SHOC2: variants seen among roughly 807,000 people sequenced by gnomAD.
SHOC2 encodes the protein leucine-rich repeat protein SHOC-2.
Under a neutral mutation model 50.2 loss-of-function variants are expected in SHOC2, and 4 were observed. The ratio of observed to expected loss-of-function variants is 0.08; its 90% CI spans 0.04 to 0.18. The LOEUF (loss-of-function observed/expected upper bound fraction) is 0.18. SHOC2 is among the 10% of genes least tolerant of loss of function. SHOC2 has a pLI of 1.00. For synonymous variants in SHOC2, 218 were observed against 244.5 expected (o/e 0.89, Z 1.01); for missense variants, 388 against 669.6 (o/e 0.58, Z 4.64).
intron 5 of SHOC2, 85 bp downstream of exon 5, chr10:111,004,879 G>A (rs944604209): frequency 3.2e-6 from 3 of 948,846 alleles, no homozygotes; most frequent in East Asian, 2.6e-5. Flanking sequence ...ATTGTGTGGG[G>A]AGTGGGTACT....
At chr10:110,975,094 A>G (rs529491831) in intron 2 of SHOC2, among the ~76,000 whole-genome samples, 41 of 152,184 alleles carry the variant, frequency 2.7e-4, no homozygotes, top group African/African-American at 9.9e-4. Flanking sequence ...CTAAACTACA[A>G]ATTTTAGTTA....
intron 1 of SHOC2, among the ~76,000 whole-genome samples, chr10:110,960,177 G>A (rs545987339): frequency 6.6e-6 from 1 of 152,346 alleles, no homozygotes; most frequent in East Asian, 1.9e-4. Flanking sequence ...AATCCAGTTT[G>A]AGGTCTGTTT....
rs544110583 is a variant in SHOC2 at position 110,955,864 on chromosome 10, G to A, written c.-234-8261G>A. Among the ~76,000 whole-genome samples, 5 of 152,192 alleles carry A rather than the reference G, an allele frequency of 3.3e-5. No homozygotes were observed. In the South Asian group the frequency reaches 6.2e-4, roughly 19 times the overall value. ...AACACTGAACAAAGTTCCTGTTCTCGTTGAAGAGTTAGGAGGAAGGAAGGG... is the reference window on the plus strand; with the variant it reads ...AACACTGAACAAAGTTCCTGTTCTCATTGAAGAGTTAGGAGGAAGGAAGGG... On this transcript the variant is annotated intron_variant, in intron 1 of 8. Transcript: ENST00000369452.
chr10:110,950,824 C>T (rs1281231187), intron 1 of SHOC2, among the ~76,000 whole-genome samples: 1 of 152,052 alleles, frequency 6.6e-6, no homozygotes, highest in Non-Finnish European at 1.5e-5. Flanking sequence ...GAAGCATGAG[C>T]ATAAAAATTT....
intron 4 of SHOC2, among the ~76,000 whole-genome samples, chr10:111,001,448 G>A (rs139687573): frequency 1.3e-3 from 191 of 151,994 alleles, no homozygotes; most frequent in African/African-American, 4.3e-3. Context: ...AGCCACCACA[G>A]CCAGCCAATA....
chr10:110,930,697 G>T (rs1305335755), intron 1 of SHOC2, among the ~76,000 whole-genome samples: 1 of 148,986 alleles, frequency 6.7e-6, no homozygotes, highest in Non-Finnish European at 1.5e-5. Context: ...GAGTTCCTTG[G>T]CAAGAAAGGC....
intron 2 of SHOC2, among the ~76,000 whole-genome samples, chr10:110,980,962 C>T (rs988308093): frequency 6.6e-6 from 1 of 152,146 alleles, no homozygotes; most frequent in South Asian, 2.1e-4. Flanking sequence ...TGGAAACTTG[C>T]TTTGTTTCCT....
chr10:110,924,894 A>AC (rs1355278270), intron 1 of SHOC2, among the ~76,000 whole-genome samples: 1 of 151,662 alleles, frequency 6.6e-6, no homozygotes, highest in South Asian at 2.1e-4. Flanking sequence ...ATGTAGCGAA[A>AC]CCCCGTCTCT....
rs576972618 is a variant in SHOC2 at position 111,006,134 on chromosome 10, G to C, written c.1161+1340G>C. 2.1e-4 allele frequency among the ~76,000 whole-genome samples: 32 copies of C among 152,280 alleles called. 1 individual carries two copies. In the South Asian group the frequency reaches 6.4e-3, roughly 31 times the overall value. ...CAGGTGTTCATTAGTTTATGCATTT[G>C]CATGTAAGTAACAGTAGTAAATTTT... On this transcript the variant is annotated intron_variant, in intron 5 of 8. Transcript: ENST00000369452.
intron 1 of SHOC2, among the ~76,000 whole-genome samples, chr10:110,927,648 A>G (rs1234817824): frequency 6.6e-6 from 1 of 152,052 alleles, no homozygotes; most frequent in Non-Finnish European, 1.5e-5. Context: ...AATTTTCCCC[A>G]CCTCCTGTTA....
chr10:110,997,872 T>A (rs1848297340), intron 3 of SHOC2, among the ~76,000 whole-genome samples: 2 of 152,212 alleles, frequency 1.3e-5, no homozygotes, highest in Admixed American at 1.3e-4. Flanking sequence ...AAATAATTAT[T>A]CTTCTGTTAT....
At position 110,949,664 on chromosome 10, in the gene SHOC2, G is replaced by A. The variant is rs190958841; in HGVS notation, c.-234-14461G>A. Among the ~76,000 whole-genome samples the A allele has an allele frequency of 3.2e-3, 488 of 152,152 alleles. 26 individuals are homozygous for A. In the South Asian group the frequency reaches 0.093, roughly 29 times the overall value. On this transcript the variant is annotated intron_variant, in intron 1 of 8. Transcript: ENST00000369452. ...ATACAGGTCAGTATCTCTGATTAAC[G>A]TAGACGCAGAAATCCTCAACAAAAT...
chr10:110,997,570 C>T (rs866639869), intron 3 of SHOC2, among the ~76,000 whole-genome samples: 3 of 152,184 alleles, frequency 2.0e-5, no homozygotes, highest in East Asian at 1.9e-4. Context: ...AAGTCTTTCA[C>T]ATCTTAAAAC....
At position 111,009,310 on chromosome 10, in the gene SHOC2, G is replaced by A. The variant is rs1457082378; in HGVS notation, c.1347G>A (p.Lys449=). The A allele has an allele frequency of 6.2e-7, 1 of 1,601,742 alleles. No individual in the cohort carries two copies. The highest frequency in any genetic ancestry group is 8.6e-7 in the Non-Finnish European group (1 of 1,169,218). Residue 449 remains lysine (K), a synonymous_variant, in exon 7 of 9, where the codon AAG becomes AAA. Transcript: ENST00000369452. ...KLPHGLGNLR[K]LRELDLEENK... is the part of the protein sequence containing the mutation. ...CCCATGGTCTTGGAAACCTTAGGAA[G>A]TTAAGAGAGTTGGATCTAGAAGAGA...
intron 2 of SHOC2, among the ~76,000 whole-genome samples, chr10:110,981,586 A>G (rs887585615): frequency 6.6e-6 from 1 of 152,196 alleles, no homozygotes; most frequent in African/African-American, 2.4e-5. Context: ...GTAAGTTTTT[A>G]TAGAAGATTT....
At chr10:110,982,451 A>G (rs1356849605) in intron 2 of SHOC2, among the ~76,000 whole-genome samples, 1 of 152,018 alleles carries the variant, frequency 6.6e-6, no homozygotes, top group Non-Finnish European at 1.5e-5. Flanking sequence ...ACAATGGTTG[A>G]ACTAGTTTAC....
intron 1 of SHOC2, among the ~76,000 whole-genome samples, chr10:110,954,001 G>T (rs924252776): frequency 6.6e-6 from 1 of 150,836 alleles, no homozygotes; most frequent in Non-Finnish European, 1.5e-5. Flanking sequence ...TTTAGTTTTT[G>T]TTGACCAAAA....
At chr10:111,005,673 C>T (rs528697114) in intron 5 of SHOC2, among the ~76,000 whole-genome samples, 60 of 152,166 alleles carry the variant, frequency 3.9e-4, no homozygotes, top group Admixed American at 2.0e-3. Context: ...ACCCACTCTA[C>T]AGTGATCGAG....
intron 1 of SHOC2, among the ~76,000 whole-genome samples, chr10:110,940,913 T>G (rs1303063312): frequency 3.6e-3 from 2 of 548 alleles, no homozygotes; most frequent in African/African-American, 7.6e-3. Flanking sequence ...GTGGTGGGTT[T>G]TTTTTTTTTT....
Sources: allele counts gnomAD v4.1 joint callset (sites outside exome capture counted in the v4.1 genomes callset), GRCh38; gene constraint gnomAD v4.1.1; transcripts MANE v1.5; gene names NCBI Gene and HGNC (gene_info 2026-07-23, HGNC 2026-07-21).